LIPC: variants seen among roughly 807,000 people sequenced by gnomAD.
LIPC encodes lipase C, hepatic type, also known as hepatic triacylglycerol lipase.
In LIPC, 44 loss-of-function variants were observed where a neutral mutation model predicts 50.7. The observed-to-expected ratio is 0.87, with a 90% CI of 0.68 to 1.11. The LOEUF (loss-of-function observed/expected upper bound fraction) is 1.11, where lower values mean the gene tolerates loss of function less well. Among genes scored for constraint, LIPC ranks in the 50% most tolerant of loss-of-function variants. The probability of loss-of-function intolerance (pLI) is 0.00; values close to 1 mark genes in which losing one functional copy is unlikely to be tolerated. For missense variants in LIPC, 697 were observed against 648.2 expected (o/e 1.08, Z -0.82); for synonymous variants, 271 against 256.4 (o/e 1.06, Z -0.54).
At chr15:58,535,069 T>C (rs1893070615) in intron 1 of LIPC, among the ~76,000 whole-genome samples, 1 of 152,226 alleles carries the variant, frequency 6.6e-6, no homozygotes, top group Non-Finnish European at 1.5e-5. Flanking sequence ...TAACAATTGC[T>C]CGTGGATATG....
intron 1 of LIPC, among the ~76,000 whole-genome samples, chr15:58,485,850 G>T (rs777223321): frequency 6.6e-6 from 1 of 152,234 alleles, no homozygotes; most frequent in East Asian, 1.9e-4. Flanking sequence ...TACTTTCCAT[G>T]TAGATTACGG....
At chr15:58,507,300 A>G (rs1892183736) in intron 1 of LIPC, among the ~76,000 whole-genome samples, 1 of 152,270 alleles carries the variant, frequency 6.6e-6, no homozygotes, top group South Asian at 2.1e-4. Context: ...AAAAAGAAGG[A>G]AAGAAGGAAG....
chr15:58,541,764 C>T, intron 2 of LIPC, 21 bp from the exon 3 acceptor site: 1 of 1,611,262 alleles, frequency 6.2e-7, no homozygotes, highest in Middle Eastern at 1.7e-4. Context: ...TAGTGCGACC[C>T]TCCCTCTGTC....
intron 1 of LIPC, among the ~76,000 whole-genome samples, chr15:58,491,675 CT>C (rs1346586586): frequency 6.6e-6 from 1 of 152,200 alleles, no homozygotes; most frequent in Non-Finnish European, 1.5e-5. Flanking sequence ...CACAGTCGTA[CT>C]TTTATTCAGT....
chr15:58,524,770 T>G (rs1477684948), intron 1 of LIPC, among the ~76,000 whole-genome samples: 3 of 152,252 alleles, frequency 2.0e-5, no homozygotes, highest in Non-Finnish European at 4.4e-5. Flanking sequence ...TTGCTGTCCT[T>G]GGTCTCCTTG....
At chr15:58,500,848 A>G (rs957235416) in intron 1 of LIPC, among the ~76,000 whole-genome samples, 5 of 150,950 alleles carry the variant, frequency 3.3e-5, no homozygotes, top group Admixed American at 3.3e-4. Context: ...CATCCTCTAT[A>G]TTATCCAAAT....
rs1894081583 is a variant in LIPC, at chr15:58,455,574, T to C, written c.88+23454T>C. ...AAGAATTCATGTCATTGTTGAATGA[T>C]TGAGTTTCAATGTGTCCTTATTTCA... On this transcript the variant is annotated intron_variant, in intron 1 of 8. Coordinates refer to ENST00000299022, the MANE Select transcript of LIPC (RefSeq NM_000236.3). 4.6e-5 allele frequency among the ~76,000 whole-genome samples: 7 copies of C among 152,330 alleles called. No individual in the cohort carries two copies. In the South Asian group the frequency reaches 6.2e-4, roughly 14 times the overall value.
intron 1 of LIPC, among the ~76,000 whole-genome samples, chr15:58,451,109 T>A (rs768209575): frequency 6.6e-6 from 1 of 152,146 alleles, no homozygotes; most frequent in Non-Finnish European, 1.5e-5. Flanking sequence ...AAGCAATCGG[T>A]TGGGATTCAT....
chr15:58,558,925 C>G (rs1032868208), intron 6 of LIPC, among the ~76,000 whole-genome samples: 6 of 152,100 alleles, frequency 3.9e-5, no homozygotes, highest in African/African-American at 1.2e-4. Flanking sequence ...TTTAGTAAAC[C>G]CAAGAGATAT....
At chr15:58,434,568 T>C (rs920520160) in intron 1 of LIPC, among the ~76,000 whole-genome samples, 2 of 152,228 alleles carry the variant, frequency 1.3e-5, no homozygotes, top group Non-Finnish European at 2.9e-5. Context: ...ACCCAGTGAT[T>C]TGACAGCCAG....
Position 58,448,594 on chromosome 15 carries a change from C to G in LIPC, c.88+16474C>G, listed in dbSNP as rs558194525. On this transcript the variant is annotated intron_variant, in intron 1 of 8. Coordinates refer to ENST00000299022, the MANE Select transcript of LIPC (RefSeq NM_000236.3). ...GTGTGAAGGAGAGCACCTCACTCAG[C>G]ACTGGCAGAGGCCGGCAGGCCTAAG... 1.8e-3 allele frequency among the ~76,000 whole-genome samples: 268 copies of G among 152,374 alleles called. 1 individual carries two copies. Among genetic ancestry groups the G allele is most frequent in the African/African-American group, 6.3e-3 (263 of 41,596 alleles).
intron 1 of LIPC, among the ~76,000 whole-genome samples, chr15:58,504,015 T>TG (rs1271962456): frequency 6.6e-6 from 1 of 152,160 alleles, no homozygotes; most frequent in African/African-American, 2.4e-5. Context: ...TTTCAAGATA[T>TG]GACAGGACAT....
At chr15:58,539,874 A>T (rs775935442) in intron 2 of LIPC, among the ~76,000 whole-genome samples, 4 of 152,064 alleles carry the variant, frequency 2.6e-5, no homozygotes, top group African/African-American at 4.8e-5. Context: ...TTCCTGTAAG[A>T]CACAGTCCCA....
At chr15:58,565,171 G>C (rs1420253823) in intron 8 of LIPC, 1 of 1,534,084 alleles carries the variant, frequency 6.5e-7, no homozygotes, top group Non-Finnish European at 8.7e-7. Context: ...TCTGCCGTCT[G>C]CCAACAGATC....
At chr15:58,487,629 G>A (rs140037205) in intron 1 of LIPC, among the ~76,000 whole-genome samples, 78 of 152,156 alleles carry the variant, frequency 5.1e-4, no homozygotes, top group Non-Finnish European at 5.4e-4. Context: ...GCTAATTATT[G>A]CAATTCCAGA....
In LIPC at chr15:58,537,517, T is replaced by C. The variant is rs552033497; in HGVS notation, c.89-816T>C. Among the ~76,000 whole-genome samples, 7 of 2,544 alleles carry C rather than the reference T, an allele frequency of 2.8e-3. No homozygotes were observed. The South Asian group carries it at 0.39, about 141-fold the overall frequency. The allele number at this position is 2,544 out of a possible 152,430, so 1.7% of individuals were successfully genotyped here. On this transcript the variant is annotated intron_variant, in intron 1 of 8. Transcript: ENST00000299022. ...TAGCAGCAGCCTGGCATCTGGAGCA[T>C]GAAGCCAGACTCTTCAGCATCCCAG...
At chr15:58,564,295 G>C (rs887500739) in intron 8 of LIPC, among the ~76,000 whole-genome samples, 10 of 151,956 alleles carry the variant, frequency 6.6e-5, no homozygotes, top group Non-Finnish European at 1.0e-4. Context: ...CAGGATGCCT[G>C]TTGTTGAATC....
Position 58,451,868 on chromosome 15 carries a change from T to C in LIPC, c.88+19748T>C, listed in dbSNP as rs934148127. Among the ~76,000 whole-genome samples, 6 of 152,190 alleles carry C rather than the reference T, an allele frequency of 3.9e-5. No homozygotes were observed. In the South Asian group the frequency reaches 1.0e-3, roughly 26 times the overall value. ...TTGCTCCCCGCTAGAAGGTGGGCTA[T>C]CGTAGCTAAGCTACCTGGGCAGAGC... On this transcript the variant is annotated intron_variant, in intron 1 of 8. Transcript: ENST00000299022.
chr15:58,524,451 G>T (rs1892743789), intron 1 of LIPC, among the ~76,000 whole-genome samples: 1 of 152,218 alleles, frequency 6.6e-6, no homozygotes, highest in Non-Finnish European at 1.5e-5. Flanking sequence ...ACAGGGTAGA[G>T]TCCCATGCAG....
Sources: gnomAD v4.1 joint callset for allele counts (sites outside exome capture counted in the v4.1 genomes callset) on GRCh38, gnomAD v4.1.1 for gene constraint, MANE v1.5 for transcripts, NCBI Gene and HGNC (gene_info 2026-07-23, HGNC 2026-07-21) for gene names.